The following HMBOX1 variants were observed in gnomAD, a reference collection of about 807,000 sequenced individuals.
The protein encoded by HMBOX1 is homeobox-containing protein 1.
In HMBOX1, 14 loss-of-function variants were observed where a neutral mutation model predicts 54.5. The ratio of observed to expected loss-of-function variants is 0.26; its 90% CI spans 0.17 to 0.40. The LOEUF is 0.40. Ranked by LOEUF, HMBOX1 falls within the 10% of genes least tolerant of loss-of-function variation. HMBOX1 has a pLI of 1.00. For missense variants in HMBOX1, 332 were observed against 514.4 expected, an observed-to-expected ratio of 0.65 and a Z score of 3.43; for synonymous variants, 160 against 181.0, an observed-to-expected ratio of 0.88 and a Z score of 0.93.
rs527265602 is a variant in HMBOX1, at chr8:28,939,579, C to G, written c.-57-24232C>G. 1.1e-4 allele frequency among the ~76,000 whole-genome samples: 17 copies of G among 152,130 alleles called. No individual in the cohort carries two copies. In the South Asian group the frequency reaches 3.1e-3, roughly 28 times the overall value. Reference sequence around the variant, plus strand: ...CTGGAGTGCAGTGGTGCCATCTCGGCTCACTGCAATCTCCGCCCCCCCTGG... The same window carrying G: ...CTGGAGTGCAGTGGTGCCATCTCGGGTCACTGCAATCTCCGCCCCCCCTGG... On this transcript the variant is annotated intron_variant, in intron 1 of 9. Coordinates refer to ENST00000287701, the MANE Select transcript of HMBOX1 (RefSeq NM_001135726.3).
chr8:28,934,203 A>G (rs1819988115), intron 1 of HMBOX1, among the ~76,000 whole-genome samples: 1 of 152,252 alleles, frequency 6.6e-6, no homozygotes, highest in Non-Finnish European at 1.5e-5. Flanking sequence ...TCACCATATT[A>G]ACAGACTCAA....
At chr8:28,908,364 A>G (rs1284776568) in intron 1 of HMBOX1, among the ~76,000 whole-genome samples, 1 of 152,242 alleles carries the variant, frequency 6.6e-6, no homozygotes, top group Non-Finnish European at 1.5e-5. Flanking sequence ...AAAGGGAAGA[A>G]TTGACATTAA....
intron 4 of HMBOX1, among the ~76,000 whole-genome samples, chr8:29,003,496 GTA>G (rs10572983): frequency 0.25 from 32,321 of 126,846 alleles, 4,267 homozygotes; most frequent in African/African-American, 0.34. Context: ...GTGTGTGTGT[GTA>G]TATATATATA....
intron 1 of HMBOX1, among the ~76,000 whole-genome samples, chr8:28,913,045 T>C (rs929583749): frequency 1.3e-5 from 2 of 152,170 alleles, no homozygotes; most frequent in African/African-American, 4.8e-5. Context: ...TTTCCAAATA[T>C]CACCATTTCA....
intron 6 of HMBOX1, among the ~76,000 whole-genome samples, chr8:29,023,348 G>T (rs1021656381): frequency 1.3e-5 from 2 of 152,094 alleles, no homozygotes; most frequent in African/African-American, 2.4e-5. Flanking sequence ...ATGCTTTTTA[G>T]TATATTCACA....
intron 4 of HMBOX1, among the ~76,000 whole-genome samples, chr8:28,992,915 T>C (rs545069444): frequency 2.1e-4 from 31 of 144,408 alleles, no homozygotes; most frequent in Non-Finnish European, 4.2e-4. Context: ...TATACAATGC[T>C]AAATCTCCTT....
chr8:29,027,106 T>TG (rs1451407223), intron 6 of HMBOX1, among the ~76,000 whole-genome samples: 22 of 152,326 alleles, frequency 1.4e-4, no homozygotes, highest in African/African-American at 5.3e-4. Context: ...ATAAAGCATT[T>TG]GCTGTGTGTT....
At chr8:29,014,692 C>T (rs1180555308) in intron 5 of HMBOX1, among the ~76,000 whole-genome samples, 2 of 151,834 alleles carry the variant, frequency 1.3e-5, no homozygotes, top group Non-Finnish European at 2.9e-5. Flanking sequence ...TTTTTTCCCC[C>T]ACCCCGAGAT....
intron 1 of HMBOX1, among the ~76,000 whole-genome samples, chr8:28,909,439 A>C (rs138153176): frequency 2.6e-5 from 4 of 152,330 alleles, no homozygotes; most frequent in Admixed American, 6.5e-5. Flanking sequence ...ATTGCTATTA[A>C]AATTTCTAAA....
chr8:28,994,820 A>G (rs1045537470), intron 4 of HMBOX1, among the ~76,000 whole-genome samples: 3 of 152,320 alleles, frequency 2.0e-5, no homozygotes, highest in East Asian at 3.9e-4. Flanking sequence ...AACTTATGCA[A>G]GACAAAATAT....
chr8:29,001,085 A>C (rs1190117892), intron 4 of HMBOX1, among the ~76,000 whole-genome samples: 1 of 152,162 alleles, frequency 6.6e-6, no homozygotes, highest in African/African-American at 2.4e-5. Context: ...CCAATTCAAG[A>C]GATTTTGAAG....
At chr8:28,919,903 T>C (rs1485759135) in intron 1 of HMBOX1, among the ~76,000 whole-genome samples, 1 of 152,212 alleles carries the variant, frequency 6.6e-6, no homozygotes, top group Non-Finnish European at 1.5e-5. Context: ...TATAGCTTAA[T>C]TTTAAAATGA....
At chr8:29,018,124 C>G (rs988718730) in intron 5 of HMBOX1, among the ~76,000 whole-genome samples, 1 of 152,180 alleles carries the variant, frequency 6.6e-6, no homozygotes, top group African/African-American at 2.4e-5. Flanking sequence ...CATTGAAAGT[C>G]TATGAAATAA....
chr8:29,051,663 G>T lies in HMBOX1; in HGVS notation c.*508G>T. On this transcript the variant is annotated 3_prime_UTR_variant, in exon 10 of 10. Coordinates refer to ENST00000287701, the MANE Select transcript of HMBOX1 (RefSeq NM_001135726.3). ...TCCCCACCTCAGCGTGAGGATAATTGATTTCCAGCTGCAATAAGCCGTGCC... is the reference window on the plus strand; with the variant it reads ...TCCCCACCTCAGCGTGAGGATAATTTATTTCCAGCTGCAATAAGCCGTGCC... The T allele has an allele frequency of 1.4e-6, 1 of 700,724 alleles. No individual in the cohort carries two copies. The highest frequency in any genetic ancestry group is 1.5e-5 in the South Asian group (1 of 67,496). 43.4% of individuals were successfully genotyped at this position (700,724 alleles called of 1,614,324 possible).
At chr8:28,951,998 C>T (rs554416621) in intron 1 of HMBOX1, among the ~76,000 whole-genome samples, 125 of 152,066 alleles carry the variant, frequency 8.2e-4, no homozygotes, top group Non-Finnish European at 1.2e-3. Flanking sequence ...ATAGTTGGAT[C>T]CCTGTCTCTA....
At chr8:29,005,051 G>A (rs1014307220) in intron 4 of HMBOX1, among the ~76,000 whole-genome samples, 23 of 152,244 alleles carry the variant, frequency 1.5e-4, no homozygotes, top group African/African-American at 5.5e-4. Context: ...ATTAAATTTA[G>A]AGGGAAGAAA....
At chr8:28,981,987 C>T (rs1829411911) in intron 4 of HMBOX1, among the ~76,000 whole-genome samples, 2 of 152,110 alleles carry the variant, frequency 1.3e-5, no homozygotes, top group African/African-American at 4.8e-5. Flanking sequence ...CCTGTAATCC[C>T]AGCACTTTGG....
intron 1 of HMBOX1, among the ~76,000 whole-genome samples, chr8:28,894,387 C>T (rs951488339): frequency 1.3e-5 from 2 of 152,166 alleles, no homozygotes; most frequent in African/African-American, 2.4e-5. Context: ...AGACCTTGAA[C>T]TTTGACTGAA....
intron 1 of HMBOX1, among the ~76,000 whole-genome samples, chr8:28,940,638 C>T (rs1054010033): frequency 2.0e-5 from 3 of 152,188 alleles, no homozygotes; most frequent in Non-Finnish European, 4.4e-5. Context: ...GGTTTGCAGA[C>T]ATCTTTTGGA....
Sources: allele counts gnomAD v4.1 joint callset (sites outside exome capture counted in the v4.1 genomes callset), GRCh38; gene constraint gnomAD v4.1.1; transcripts MANE v1.5; gene names NCBI Gene and HGNC (gene_info 2026-07-23, HGNC 2026-07-21).